CNBD1: variants seen among roughly 807,000 people sequenced by gnomAD.
CNBD1 encodes the protein cyclic nucleotide-binding domain-containing protein 1.
A neutral mutation model predicts 54.4 loss-of-function variants in CNBD1; 71 were observed. That is an observed-to-expected ratio of 1.30 (90% CI 1.08 to 1.59). The LOEUF (loss-of-function observed/expected upper bound fraction) is 1.59. CNBD1 is among the 40% of genes most tolerant of loss of function. CNBD1 has a pLI of 0.00. For synonymous variants in CNBD1, 182 were observed against 170.7 expected, an observed-to-expected ratio of 1.07 and a Z score of -0.51; for missense variants, 659 against 518.0, an observed-to-expected ratio of 1.27 and a Z score of -2.64.
intron 6 of CNBD1, among the ~76,000 whole-genome samples, chr8:87,240,359 A>G (rs982941903): frequency 4.6e-5 from 7 of 152,178 alleles, no homozygotes; most frequent in Admixed American, 1.3e-4. Context: ...AATATATTCA[A>G]CAGGCAGGGC....
At chr8:86,961,395 G>A (rs79487097) in intron 4 of CNBD1, among the ~76,000 whole-genome samples, 5,534 of 152,224 alleles carry the variant, frequency 0.036, 118 homozygotes, top group Non-Finnish European at 0.044. Flanking sequence ...GTTAAAACAG[G>A]CCCCCTGCTT....
chr8:87,377,162 A>G (rs186474539), intron 10 of CNBD1, among the ~76,000 whole-genome samples: 2,149 of 146,854 alleles, frequency 0.015, 50 homozygotes, highest in African/African-American at 0.048. Context: ...TATTTATATT[A>G]TTATTATACT....
intron 4 of CNBD1, among the ~76,000 whole-genome samples, chr8:87,119,765 A>T (rs758790911): frequency 6.6e-6 from 1 of 152,002 alleles, no homozygotes; most frequent in Non-Finnish European, 1.5e-5. Context: ...TTCTATGTCT[A>T]GTTTGTTGAG....
At chr8:87,249,332 A>G (rs182851360) in intron 6 of CNBD1, among the ~76,000 whole-genome samples, 1 of 152,264 alleles carries the variant, frequency 6.6e-6, no homozygotes, top group Non-Finnish European at 1.5e-5. Context: ...ATGGCTGTAA[A>G]CATAGATGAA....
chr8:87,366,176 G>A (rs1563571420), intron 10 of CNBD1, among the ~76,000 whole-genome samples: 1 of 151,966 alleles, frequency 6.6e-6, no homozygotes. Flanking sequence ...AGTTTTGTAG[G>A]TCAGATGTCT....
rs1226424170 is a variant in CNBD1, at chr8:87,322,415, C to G, written c.1043-29270C>G. Among the ~76,000 whole-genome samples the G allele has an allele frequency of 3.3e-5, 4 of 119,930 alleles. 1 individual carries two copies. Among genetic ancestry groups the G allele is most frequent in the Non-Finnish European group, 7.4e-5 (4 of 54,188 alleles). 78.7% of individuals were successfully genotyped at this position (119,930 alleles called of 152,430 possible). ...CAATGGTTGAACTAGTTTACAGTCC[C>G]ACCAACAGTGTAAAAGTGTTCCTAT... is the stretch of plus-strand genomic sequence containing the variant. On this transcript the variant is annotated intron_variant, in intron 8 of 10. Transcript: ENST00000518476.
chr8:87,225,968 G>A (rs1160942997), intron 5 of CNBD1, among the ~76,000 whole-genome samples: 2 of 151,220 alleles, frequency 1.3e-5, no homozygotes, highest in East Asian at 3.9e-4. Flanking sequence ...TTTAGTCTTG[G>A]GAGAGTGTAT....
At chr8:87,234,420 C>T (rs962961423) in intron 5 of CNBD1, among the ~76,000 whole-genome samples, 1 of 152,038 alleles carries the variant, frequency 6.6e-6, no homozygotes, top group African/African-American at 2.4e-5. Flanking sequence ...TTGAAATTAC[C>T]TCTTGATTGA....
intron 4 of CNBD1, among the ~76,000 whole-genome samples, chr8:87,187,057 A>T (rs1302494989): frequency 1.3e-5 from 2 of 152,140 alleles, no homozygotes; most frequent in Non-Finnish European, 2.9e-5. Flanking sequence ...AATATTATGC[A>T]ACATATTTGT....
At chr8:87,255,908 A>C (rs1295537859) in intron 6 of CNBD1, among the ~76,000 whole-genome samples, 1 of 144,218 alleles carries the variant, frequency 6.9e-6, no homozygotes, top group Admixed American at 7.1e-5. Flanking sequence ...AAAATAAGAC[A>C]AAAAAGACTG....
intron 6 of CNBD1, among the ~76,000 whole-genome samples, chr8:87,249,146 A>G (rs114482122): frequency 0.016 from 2,474 of 152,222 alleles, 64 homozygotes; most frequent in African/African-American, 0.057. Flanking sequence ...CCCCAGTACT[A>G]GCATCACTGC....
chr8:86,988,596 AC>A (rs1563849092), intron 4 of CNBD1, among the ~76,000 whole-genome samples: 2 of 152,168 alleles, frequency 1.3e-5, no homozygotes, highest in African/African-American at 4.8e-5. Flanking sequence ...GACTGTGGCC[AC>A]CCTGTTGTGC....
chr8:87,427,119 G>C (rs1016108971), intron 2 of CNBD1, among the ~76,000 whole-genome samples: 1 of 151,988 alleles, frequency 6.6e-6, no homozygotes, highest in Non-Finnish European at 1.5e-5. Context: ...AGTTCCCCCT[G>C]TAAAGAGCTA....
chr8:87,012,631 AC>A (rs1031022926), intron 4 of CNBD1, among the ~76,000 whole-genome samples: 2 of 152,054 alleles, frequency 1.3e-5, no homozygotes, highest in African/African-American at 4.8e-5. Context: ...ACAATTTACA[AC>A]CTGCTGTCTC....
chr8:87,250,929 A>G (rs1807903119), intron 6 of CNBD1, among the ~76,000 whole-genome samples: 1 of 152,168 alleles, frequency 6.6e-6, no homozygotes, highest in Non-Finnish European at 1.5e-5. Flanking sequence ...TAGGGTGACT[A>G]TAATCAATAA....
At chr8:87,263,326 A>T (rs1808179637) in intron 6 of CNBD1, among the ~76,000 whole-genome samples, 1 of 152,072 alleles carries the variant, frequency 6.6e-6, no homozygotes, top group Non-Finnish European at 1.5e-5. Flanking sequence ...GCTTTTTTTC[A>T]GATAATTTTT....
chr8:86,905,372 G>A (rs1000089129), intron 3 of CNBD1, among the ~76,000 whole-genome samples, 178 bp downstream of exon 3: 7 of 152,078 alleles, frequency 4.6e-5, no homozygotes, highest in African/African-American at 1.7e-4. Flanking sequence ...TTCAATTTTT[G>A]TTCAGCAAAA....
At chr8:87,066,823 A>G (rs1810665139) in intron 4 of CNBD1, among the ~76,000 whole-genome samples, 1 of 151,954 alleles carries the variant, frequency 6.6e-6, no homozygotes, top group Admixed American at 6.6e-5. Flanking sequence ...ATCCTTGTGT[A>G]AGTTAAAATT....
chr8:87,237,791 A>C (rs1055221270), intron 6 of CNBD1, among the ~76,000 whole-genome samples: 2 of 152,120 alleles, frequency 1.3e-5, no homozygotes, highest in Non-Finnish European at 2.9e-5. Flanking sequence ...TATGGGGTAC[A>C]ATCAGAAAAA....
Sources: gnomAD v4.1 joint callset for allele counts (sites outside exome capture counted in the v4.1 genomes callset) on GRCh38, gnomAD v4.1.1 for gene constraint, MANE v1.5 for transcripts, NCBI Gene and HGNC (gene_info 2026-07-23, HGNC 2026-07-21) for gene names.